The following TEX9 variants were observed in gnomAD, a reference collection of about 807,000 sequenced individuals.
TEX9 encodes testis expressed 9.
A neutral mutation model predicts 59.6 loss-of-function variants in TEX9; 74 were observed. The observed-to-expected ratio is 1.24, with a 90% CI of 1.03 to 1.51. TEX9 has a LOEUF of 1.51. TEX9 is among the 40% of genes most tolerant of loss of function. The probability of loss-of-function intolerance (pLI) is 0.00; values close to 1 mark genes in which losing one functional copy is unlikely to be tolerated. For synonymous variants in TEX9, 186 were observed against 152.2 expected (o/e 1.22, Z -1.64); for missense variants, 522 against 447.8 (o/e 1.17, Z -1.49).
chr15:56,420,942 A>T (rs2049949008), intron 10 of TEX9, among the ~76,000 whole-genome samples: 1 of 151,792 alleles, frequency 6.6e-6, no homozygotes, highest in Non-Finnish European at 1.5e-5. Context: ...AAATTTATGG[A>T]TACTTTTTTT....
chr15:56,454,800 T>G, the TEX9 span, among the ~76,000 whole-genome samples: 1 of 152,176 alleles, frequency 6.6e-6, no homozygotes, highest in Non-Finnish European at 1.5e-5. Context: ...CTCATCTGTA[T>G]TTTTCTATCC....
intron 12 of TEX9, among the ~76,000 whole-genome samples, chr15:56,432,941 C>T (rs1567146782): frequency 1.3e-5 from 2 of 152,136 alleles, no homozygotes; most frequent in Non-Finnish European, 2.9e-5. Flanking sequence ...ACATATTATC[C>T]ATTTGGTTCT....
chr15:56,257,804 T>G lies in TEX9; in HGVS notation c.-107+13526T>G, dbSNP rs371959858. 3.4e-4 allele frequency among the ~76,000 whole-genome samples: 52 copies of G among 152,242 alleles called. 1 individual carries two copies. The East Asian group carries it at 6.4e-3, about 19-fold the overall frequency. On this transcript the variant is annotated intron_variant, in intron 1 of 5. Coordinates refer to the TEX9 transcript ENST00000560827. The stretch of plus-strand genomic sequence containing the variant: ...GGCTCTTTAGTTTAATTAGATCCCA[T>G]TTGTCAATTTTTGCTTTTGTTGCAA...
In TEX9 at chr15:56,383,773, A is replaced by G. The variant is rs1189114247; in HGVS notation, c.184-179A>G. Among the ~76,000 whole-genome samples the G allele has an allele frequency of 4.6e-5, 7 of 152,332 alleles. No individual in the cohort carries two copies. The East Asian group carries it at 1.3e-3, about 29-fold the overall frequency. ...AATTTTTTAACCCAGAACAAATGAA[A>G]GGTGCAACTAGTGTTATAGACCTTA... On this transcript the variant is annotated intron_variant, in intron 3 of 12. Coordinates refer to ENST00000352903, the Ensembl canonical transcript of TEX9.
chr15:56,250,768 A>G (rs2043996067), intron 1 of TEX9, among the ~76,000 whole-genome samples: 1 of 152,180 alleles, frequency 6.6e-6, no homozygotes, highest in Admixed American at 6.5e-5. Context: ...AGGGAAAAAA[A>G]AAAACAAAAT....
At chr15:56,398,767 G>A (rs1236202169) in intron 9 of TEX9, among the ~76,000 whole-genome samples, 2 of 152,112 alleles carry the variant, frequency 1.3e-5, no homozygotes. Context: ...TGTAGGGGGA[G>A]AATTTTTTTT....
chr15:56,394,563 T>C, intron 8 of TEX9, 98 bp from the exon 9 acceptor site: 1 of 914,406 alleles, frequency 1.1e-6, no homozygotes, highest in Non-Finnish European at 1.6e-6. Flanking sequence ...GAAACGTGTA[T>C]AAATATCAAA....
chr15:56,412,202 A>G, intron 9 of TEX9, 100 bp from the exon 10 acceptor site: 1 of 1,146,980 alleles, frequency 8.7e-7, no homozygotes, highest in Non-Finnish European at 1.2e-6. Flanking sequence ...GTAAAGTTTG[A>G]GAGAAAGCAA....
chr15:56,399,543 C>G lies in TEX9; in HGVS notation c.828+4709C>G, dbSNP rs184728583. On this transcript the variant is annotated intron_variant, in intron 9 of 12. Coordinates refer to ENST00000352903, the Ensembl canonical transcript of TEX9. ...CCTCTGTAGGCAGGGCGTAGCTGAG[C>G]AAAAGGCAGCAGACAACTTCTGCAG... is the stretch of plus-strand genomic sequence containing the variant. 1.9e-3 allele frequency among the ~76,000 whole-genome samples: 296 copies of G among 152,342 alleles called. 4 individuals are homozygous for G. The highest frequency in any genetic ancestry group is 6.8e-3 in the African/African-American group (284 of 41,576).
intron 1 of TEX9, among the ~76,000 whole-genome samples, chr15:56,286,403 C>G (rs1215639864): frequency 6.6e-6 from 1 of 152,142 alleles, no homozygotes; most frequent in African/African-American, 2.4e-5. Flanking sequence ...GAGGCACTGA[C>G]ACATCATCTT....
chr15:56,246,073 A>G (rs1204780717), intron 1 of TEX9, among the ~76,000 whole-genome samples: 5 of 152,156 alleles, frequency 3.3e-5, no homozygotes, highest in African/African-American at 9.7e-5. Flanking sequence ...GAAGCCGAGA[A>G]CCAAGACGTT....
At chr15:56,365,531 C>G in intron 1 of TEX9, 48 bp from the exon 2 acceptor site, 1 of 1,614,222 alleles carries the variant, frequency 6.2e-7, no homozygotes. Flanking sequence ...GACTAGGACG[C>G]CTAACTTCCT....
chr15:56,413,034 C>T (rs2140148742), intron 10 of TEX9, among the ~76,000 whole-genome samples: 1 of 152,038 alleles, frequency 6.6e-6, no homozygotes, highest in African/African-American at 2.4e-5. Flanking sequence ...CATTCGGTGC[C>T]TTAAATATCT....
intron 10 of TEX9, among the ~76,000 whole-genome samples, chr15:56,412,673 G>T (rs1470468583): frequency 2.6e-5 from 4 of 152,118 alleles, no homozygotes; most frequent in Admixed American, 2.6e-4. Context: ...TCTTCAACCA[G>T]TTTTATCAGG....
downstream of TEX9, among the ~76,000 whole-genome samples, chr15:56,448,040 A>G (rs562321700): frequency 3.3e-5 from 5 of 152,320 alleles, no homozygotes; most frequent in South Asian, 2.1e-4. Context: ...TTGCTTATCT[A>G]TTCACATGCT....
intron 1 of TEX9, among the ~76,000 whole-genome samples, chr15:56,315,089 C>A (rs2045721340): frequency 6.6e-6 from 1 of 151,262 alleles, no homozygotes. Flanking sequence ...AGTGATGGGT[C>A]TTAACTCTTT....
At chr15:56,270,565 G>C (rs536418667) in intron 1 of TEX9, among the ~76,000 whole-genome samples, 1 of 152,274 alleles carries the variant, frequency 6.6e-6, no homozygotes, top group African/African-American at 2.4e-5. Flanking sequence ...ACAGCACACT[G>C]ATGGGTCTTG....
chr15:56,391,707 A>G (rs2048219259), intron 7 of TEX9, among the ~76,000 whole-genome samples: 1 of 152,104 alleles, frequency 6.6e-6, no homozygotes, highest in African/African-American at 2.4e-5. Context: ...AATAAAAAAG[A>G]CTATATTGTA....
At chr15:56,381,169 G>A (rs915106809) in intron 3 of TEX9, among the ~76,000 whole-genome samples, 1 of 151,828 alleles carries the variant, frequency 6.6e-6, no homozygotes, top group Non-Finnish European at 1.5e-5. Flanking sequence ...TCTTCTGCTT[G>A]ATCAGTTCTG....
Sources: gnomAD v4.1 joint callset for allele counts (sites outside exome capture counted in the v4.1 genomes callset) on GRCh38, gnomAD v4.1.1 for gene constraint, MANE v1.5 for transcripts, NCBI Gene and HGNC (gene_info 2026-07-23, HGNC 2026-07-21) for gene names.